DLGAP2: variants seen among roughly 807,000 people sequenced by gnomAD.
The protein encoded by DLGAP2 is DLG associated protein 2, also known as disks large-associated protein 2.
Under a neutral mutation model 100.3 loss-of-function variants are expected in DLGAP2, and 26 were observed. The ratio of observed to expected loss-of-function variants is 0.26; its 90% CI spans 0.19 to 0.36. The LOEUF is 0.36. DLGAP2 is among the 10% of genes least tolerant of loss of function. The pLI is 1.00. For missense variants in DLGAP2, 1,858 were observed against 1,453.2 expected, an observed-to-expected ratio of 1.28 and a Z score of -4.53; for synonymous variants, 886 against 630.1, an observed-to-expected ratio of 1.41 and a Z score of -6.08.
At chr8:909,564 TAATC>T (rs1393229212) in intron 2 of DLGAP2, among the ~76,000 whole-genome samples, 1 of 152,158 alleles carries the variant, frequency 6.6e-6, no homozygotes, top group African/African-American at 2.4e-5. Flanking sequence ...AGACTCCAAG[TAATC>T]AATCTGTAGA....
chr8:809,912 G>C (rs575345970), intron 1 of DLGAP2, among the ~76,000 whole-genome samples: 1 of 152,340 alleles, frequency 6.6e-6, no homozygotes, highest in South Asian at 2.1e-4. Context: ...GAAGCATGGT[G>C]TGCTCTGGTG....
intron 3 of DLGAP2, among the ~76,000 whole-genome samples, chr8:1,440,209 A>G (rs78596240): frequency 0.019 from 2,932 of 152,288 alleles, 91 homozygotes; most frequent in African/African-American, 0.067. Flanking sequence ...TATAAAACAG[A>G]CATAGCCCTA....
intron 3 of DLGAP2, among the ~76,000 whole-genome samples, chr8:1,378,364 G>T (rs568563434): frequency 3.2e-4 from 47 of 147,228 alleles, no homozygotes; most frequent in Non-Finnish European, 6.1e-4. Context: ...TGTCTGTCCT[G>T]CACACACCTG....
intron 2 of DLGAP2, among the ~76,000 whole-genome samples, chr8:1,146,598 C>CGCATGTGTGTGCATGCAAGTGTGTGCAT (rs1796611618): frequency 6.6e-6 from 1 of 151,880 alleles, no homozygotes; most frequent in South Asian, 2.1e-4. Flanking sequence ...TGTGCACCTG[C>CGCATGTGTGTGCATGCAAGTGTGTGCAT]GCATGTGTGT....
intron 2 of DLGAP2, among the ~76,000 whole-genome samples, chr8:921,955 G>A (rs1798724688): frequency 6.6e-6 from 1 of 152,232 alleles, no homozygotes; most frequent in Admixed American, 6.5e-5. Context: ...TATCCTATGG[G>A]TGGGAGCCGG....
chr8:816,915 T>A lies in DLGAP2; in HGVS notation c.18+79090T>A, dbSNP rs186284765. Among the ~76,000 whole-genome samples the A allele has an allele frequency of 4.6e-5, 7 of 152,272 alleles. No homozygotes were observed. In the East Asian group the frequency reaches 9.7e-4, roughly 21 times the overall value. Reference sequence around the variant, plus strand: ...TCTTAGAGGCTTTGTTCATATTGAGTGGATCACAAGGTCAGGAGATCGAGA... The same window carrying A: ...TCTTAGAGGCTTTGTTCATATTGAGAGGATCACAAGGTCAGGAGATCGAGA... On this transcript the variant is annotated intron_variant, in intron 1 of 14. Transcript: ENST00000637795.
chr8:771,356 A>C (rs189381490), intron 1 of DLGAP2, among the ~76,000 whole-genome samples: 2 of 152,362 alleles, frequency 1.3e-5, no homozygotes, highest in East Asian at 3.9e-4. Context: ...AATACGTTTC[A>C]TAGAGTTATT....
chr8:1,586,211 G>A (rs950460328), intron 6 of DLGAP2, among the ~76,000 whole-genome samples: 67 of 152,232 alleles, frequency 4.4e-4, no homozygotes, highest in African/African-American at 1.1e-3. Flanking sequence ...GGTGTCGGCC[G>A]TTGGCCCTTC....
intron 2 of DLGAP2, among the ~76,000 whole-genome samples, chr8:1,000,618 G>A (rs531040599): frequency 4.6e-5 from 7 of 152,300 alleles, no homozygotes; most frequent in Non-Finnish European, 8.8e-5. Flanking sequence ...ATGCATTTTT[G>A]TTATCCTAAT....
At chr8:1,446,493 T>A (rs866558391) in intron 3 of DLGAP2, among the ~76,000 whole-genome samples, 1,916 of 152,012 alleles carry the variant, frequency 0.013, 12 homozygotes, top group African/African-American at 0.022. Context: ...TGGTTACTGT[T>A]GCCTTGTAGT....
intron 2 of DLGAP2, among the ~76,000 whole-genome samples, chr8:1,257,834 C>T (rs1396994492): frequency 6.6e-6 from 1 of 152,246 alleles, no homozygotes; most frequent in Non-Finnish European, 1.5e-5. Context: ...CTCATTCCCT[C>T]TCCCACCCTT....
rs146941061 is a variant in DLGAP2, at chr8:940,607, C to T, written c.73+32641C>T. On this transcript the variant is annotated intron_variant, in intron 2 of 14. Coordinates refer to ENST00000637795, the MANE Select transcript of DLGAP2 (RefSeq NM_001346810.2). Reference sequence around the variant, plus strand: ...GGGCTCTGGCAACAGCTGGGGAGGGCAGCCTGGGACGTTTTCGGGGGAAGG... The same window carrying T: ...GGGCTCTGGCAACAGCTGGGGAGGGTAGCCTGGGACGTTTTCGGGGGAAGG... Among the ~76,000 whole-genome samples, 414 of 152,214 alleles carry T rather than the reference C, an allele frequency of 2.7e-3. 1 individual carries two copies. Among genetic ancestry groups the T allele is most frequent in the Middle Eastern group, 0.014 (4 of 294 alleles).
chr8:1,339,319 T>G (rs1202314149), intron 3 of DLGAP2, among the ~76,000 whole-genome samples: 8 of 145,640 alleles, frequency 5.5e-5, no homozygotes, highest in African/African-American at 7.8e-5. Context: ...CGGGAGGGAA[T>G]GCAGTGACCT....
At chr8:792,429 C>G (rs1795934036) in intron 1 of DLGAP2, among the ~76,000 whole-genome samples, 1 of 152,168 alleles carries the variant, frequency 6.6e-6, no homozygotes, top group African/African-American at 2.4e-5. Flanking sequence ...GTGCTGAATA[C>G]TAAAATTGAT....
intron 2 of DLGAP2, among the ~76,000 whole-genome samples, chr8:1,201,326 C>T (rs890098129): frequency 6.6e-6 from 1 of 152,216 alleles, no homozygotes; most frequent in Non-Finnish European, 1.5e-5. Flanking sequence ...GACCCTGGAA[C>T]CAGCAGGAGC....
chr8:1,467,123 G>C (rs371156555), intron 3 of DLGAP2, among the ~76,000 whole-genome samples: 12 of 151,528 alleles, frequency 7.9e-5, no homozygotes, highest in African/African-American at 2.9e-4. Flanking sequence ...GGGAGGGTCC[G>C]GCAGGGGCCT....
chr8:952,782 C>G (rs1241753952), intron 2 of DLGAP2, among the ~76,000 whole-genome samples: 1 of 152,184 alleles, frequency 6.6e-6, no homozygotes, highest in African/African-American at 2.4e-5. Flanking sequence ...TTTCAGACTT[C>G]TCTAATTTCT....
At chr8:1,204,984 A>G (rs764843872) in intron 2 of DLGAP2, among the ~76,000 whole-genome samples, 1 of 152,192 alleles carries the variant, frequency 6.6e-6, no homozygotes, top group Non-Finnish European at 1.5e-5. Context: ...TGACAGCTCC[A>G]TTGTAACATC....
intron 6 of DLGAP2, among the ~76,000 whole-genome samples, chr8:1,620,154 G>T (rs759826742): frequency 6.6e-6 from 1 of 151,946 alleles, no homozygotes; most frequent in Non-Finnish European, 1.5e-5. Flanking sequence ...TTACCTTAAC[G>T]TCTGCGATCT....
Sources: gnomAD v4.1 joint callset for allele counts (sites outside exome capture counted in the v4.1 genomes callset) on GRCh38, gnomAD v4.1.1 for gene constraint, MANE v1.5 for transcripts, NCBI Gene and HGNC (gene_info 2026-07-23, HGNC 2026-07-21) for gene names.